Variants in ASXL2 observed in about 807,000 individuals in gnomAD.
The protein encoded by ASXL2 is ASXL transcriptional regulator 2, also known as putative Polycomb group protein ASXL2.
ASXL2 carries 23 observed loss-of-function variants against 122.0 expected under a neutral mutation model. The observed-to-expected ratio is 0.19, with a 90% confidence interval of 0.14 to 0.27. The LOEUF is 0.27. Among genes scored for constraint, ASXL2 ranks in the 10% least tolerant of loss-of-function variants. The pLI is 1.00. For missense variants in ASXL2, 1,518 were observed against 1,713.8 expected (o/e 0.89, Z 2.02); for synonymous variants, 650 against 637.0 (o/e 1.02, Z -0.31).
At chr2:25,854,995 T>C (rs1338805827) in intron 1 of ASXL2, among the ~76,000 whole-genome samples, 2 of 152,078 alleles carry the variant, frequency 1.3e-5, no homozygotes, top group Non-Finnish European at 2.9e-5. Context: ...AACACACATA[T>C]CCCTCAAGAA....
At chr2:25,810,945 T>C in intron 3 of ASXL2, among the ~76,000 whole-genome samples, 1 of 152,018 alleles carries the variant, frequency 6.6e-6, no homozygotes, top group Non-Finnish European at 1.5e-5. Flanking sequence ...CAGTATAATC[T>C]TCTGGGCACT....
At chr2:25,772,692 G>A (rs868593225) in intron 5 of ASXL2, among the ~76,000 whole-genome samples, 42 of 121,576 alleles carry the variant, frequency 3.5e-4, no homozygotes, top group Middle Eastern at 7.6e-3. Context: ...TCATGCCACC[G>A]CACTCCAGCC....
In ASXL2 at chr2:25,735,332, G is replaced by A. The variant is rs1224569011; in HGVS notation, c.*6697C>T. ...CACTCATCCTCCTGGTTCCTGGACA[G>A]AGACTACGTTACATAGTGGAATACA... is the stretch of plus-strand genomic sequence containing the variant. On this transcript the variant is annotated 3_prime_UTR_variant, in exon 13 of 13. Coordinates refer to ENST00000435504, the MANE Select transcript of ASXL2 (RefSeq NM_018263.6). The A allele has an allele frequency of 2.0e-5, 3 of 152,228 alleles. No homozygotes were observed. The highest frequency in any genetic ancestry group is 7.2e-5 in the African/African-American group (3 of 41,470). The allele number at this position is 152,228 out of a possible 1,614,324, so 9.4% of individuals were successfully genotyped here.
Position 25,743,238 on chromosome 2 carries a change from T to C in ASXL2, c.3099A>G (p.Pro1033=). Reference sequence around the variant, plus strand: ...TAGCTGAAAAGAGCTGAAGGGGCCTTGGAACCTGGGGGAGCTGCTTACTTT... The same window carrying C: ...TAGCTGAAAAGAGCTGAAGGGGCCTCGGAACCTGGGGGAGCTGCTTACTTT... ...TLQSKQLPQV[P]RPLQLFSAKE... The change falls in exon 13 of 13, where the codon CCA becomes CCG. Residue 1033 remains proline, a synonymous_variant. Transcript: ENST00000435504. The C allele has an allele frequency of 1.2e-6, 2 of 1,613,732 alleles. No homozygotes were observed. The highest frequency in any genetic ancestry group is 1.7e-6 in the Non-Finnish European group (2 of 1,179,724).
intron 3 of ASXL2, chr2:25,830,871 G>A (rs2089442554): frequency 6.6e-6 from 1 of 152,038 alleles, no homozygotes; most frequent in Admixed American, 6.6e-5. Context: ...CTTAAGAACA[G>A]GTCAATACAA....
chr2:25,747,691 G>C (rs1192042256), intron 12 of ASXL2, among the ~76,000 whole-genome samples: 4 of 152,110 alleles, frequency 2.6e-5, no homozygotes, highest in African/African-American at 9.7e-5. Context: ...CAGTTACTCA[G>C]CTCTCAGGTC....
intron 8 of ASXL2, among the ~76,000 whole-genome samples, chr2:25,764,889 C>T (rs955602744): frequency 6.6e-6 from 1 of 152,188 alleles, no homozygotes; most frequent in African/African-American, 2.4e-5. Flanking sequence ...CTACTACTGA[C>T]TGAACTGTGT....
Position 25,749,777 on chromosome 2 carries a change from G to A in ASXL2, c.1779C>T (p.His593=). Residue 593 remains histidine (H), a synonymous_variant, in exon 12 of 13, where the codon CAC becomes CAT. Coordinates refer to ENST00000435504, the MANE Select transcript of ASXL2 (RefSeq NM_018263.6). ...KRPRVTENRQ[H]QQPFQVSPQP... ...GTGGTGAGACCTGAAATGGCTGCTG[G>A]TGCTGGCGATTCTCAGTGACACGTG... The A allele has an allele frequency of 6.2e-7, 1 of 1,601,434 alleles. No individual in the cohort carries two copies. Among genetic ancestry groups the A allele is most frequent in the Non-Finnish European group, 8.5e-7 (1 of 1,176,036 alleles).
rs2089656503 is a variant in ASXL2 at position 25,846,909 on chromosome 2, CAAT to C, written c.58-1349_58-1347del. ...AAGACAAAAGACAAGCTATATACAA[CAAT>C]AAACCCAATGTGACACAGATGTTGG... On this transcript the variant is annotated intron_variant, in intron 1 of 12. Transcript: ENST00000435504. 2.0e-5 allele frequency among the ~76,000 whole-genome samples: 3 copies of C among 152,096 alleles called. No homozygotes were observed. In the South Asian group the frequency reaches 6.2e-4, roughly 32 times the overall value.
chr2:25,736,740 A>T lies in ASXL2; in HGVS notation c.*5289T>A, dbSNP rs1429215595. 1 of 152,198 alleles carries T rather than the reference A, an allele frequency of 6.6e-6. No individual in the cohort carries two copies. The highest frequency in any genetic ancestry group is 1.5e-5 in the Non-Finnish European group (1 of 68,026). 9.4% of individuals were successfully genotyped at this position (152,198 alleles called of 1,614,324 possible). A position where few individuals can be genotyped will look rare whatever the true frequency, so the allele number is the denominator to read the frequency against. On this transcript the variant is annotated 3_prime_UTR_variant, in exon 13 of 13. Transcript: ENST00000435504. The stretch of plus-strand genomic sequence containing the variant: ...TAACCACAGCTGGGCAATTATGGGA[A>T]CTAGTGAACTACAATAAAAAGTCAG...
At chr2:25,806,936 ATAAT>A (rs1182920266) in intron 3 of ASXL2, among the ~76,000 whole-genome samples, 5 of 151,948 alleles carry the variant, frequency 3.3e-5, no homozygotes, top group African/African-American at 1.2e-4. Context: ...AATATAAAAT[ATAAT>A]TAATAATTAT....
At chr2:25,821,265 G>C (rs1449453764) in intron 3 of ASXL2, among the ~76,000 whole-genome samples, 1 of 152,080 alleles carries the variant, frequency 6.6e-6, no homozygotes, top group Non-Finnish European at 1.5e-5. Flanking sequence ...GCTGAGATGA[G>C]AGGATCCCTT....
intron 1 of ASXL2, among the ~76,000 whole-genome samples, chr2:25,846,674 G>C (rs1051123725): frequency 6.6e-6 from 1 of 151,902 alleles, no homozygotes; most frequent in Non-Finnish European, 1.5e-5. Flanking sequence ...AAATTAGCAG[G>C]GCATGGTGGT....
At chr2:25,778,906 A>G (rs1306873248) in intron 5 of ASXL2, among the ~76,000 whole-genome samples, 1 of 152,162 alleles carries the variant, frequency 6.6e-6, no homozygotes, top group African/African-American at 2.4e-5. Flanking sequence ...AAATGGTATT[A>G]AAAGACTACA....
At chr2:25,761,672 CAAA>C (rs1184631489) in intron 8 of ASXL2, among the ~76,000 whole-genome samples, 6 of 56,862 alleles carry the variant, frequency 1.1e-4, no homozygotes, top group Admixed American at 3.6e-4. Flanking sequence ...GACTCCGTCT[CAAA>C]AAAAAAAAAA....
intron 6 of ASXL2, among the ~76,000 whole-genome samples, chr2:25,769,094 C>A (rs1333620938): frequency 2.0e-5 from 3 of 152,140 alleles, no homozygotes; most frequent in Admixed American, 2.0e-4. Context: ...CAACTAAACA[C>A]AAGGCCTAAA....
At chr2:25,821,229 T>C (rs1270710188) in intron 3 of ASXL2, among the ~76,000 whole-genome samples, 1 of 151,820 alleles carries the variant, frequency 6.6e-6, no homozygotes, top group Admixed American at 6.6e-5. Context: ...TGGTGGTGTG[T>C]TCCCATAGTC....
intron 3 of ASXL2, chr2:25,830,667 T>C (rs140979983): frequency 6.7e-6 from 1 of 150,134 alleles, no homozygotes; most frequent in African/African-American, 2.4e-5. Context: ...AAAATTGGAA[T>C]AGCTCTCATA....
At chr2:25,846,841 A>G (rs755575588) in intron 1 of ASXL2, among the ~76,000 whole-genome samples, 1 of 152,194 alleles carries the variant, frequency 6.6e-6, no homozygotes, top group Non-Finnish European at 1.5e-5. Context: ...TATACAATTC[A>G]AACTTACTCA....
Sources: gnomAD v4.1 joint callset for allele counts (sites outside exome capture counted in the v4.1 genomes callset) on GRCh38, gnomAD v4.1.1 for gene constraint, MANE v1.5 for transcripts, NCBI Gene and HGNC (gene_info 2026-07-23, HGNC 2026-07-21) for gene names.